The following CLUAP1 variants were observed in gnomAD, a reference collection of about 807,000 sequenced individuals.
The protein encoded by CLUAP1 is intraflagellar transport 38, also known as clusterin-associated protein 1.
Under a neutral mutation model 55.0 loss-of-function variants are expected in CLUAP1, and 50 were observed. The ratio of observed to expected loss-of-function variants is 0.91; its 90% CI spans 0.72 to 1.15. The LOEUF (loss-of-function observed/expected upper bound fraction) is 1.15. Among genes scored for constraint, CLUAP1 ranks in the 50% most tolerant of loss-of-function variants. The pLI is 0.00. For missense variants in CLUAP1, 530 were observed against 507.6 expected (o/e 1.04, Z -0.42); for synonymous variants, 195 against 175.4 (o/e 1.11, Z -0.88).
chr16:3,522,842 A>G (rs944670931), intron 7 of CLUAP1, among the ~76,000 whole-genome samples: 21 of 152,122 alleles, frequency 1.4e-4, no homozygotes, highest in African/African-American at 5.1e-4. Flanking sequence ...AAAAGTCTGG[A>G]AGGATGTATG....
intron 10 of CLUAP1, among the ~76,000 whole-genome samples, chr16:3,531,096 C>T (rs1398167414): frequency 4.6e-5 from 7 of 152,206 alleles, no homozygotes; most frequent in Non-Finnish European, 1.5e-5. Flanking sequence ...TGGTGCACAC[C>T]TTATTCCCAG....
At chr16:3,502,859 G>A (rs2037433535) in intron 1 of CLUAP1, among the ~76,000 whole-genome samples, 1 of 152,204 alleles carries the variant, frequency 6.6e-6, no homozygotes. Flanking sequence ...TGTATGGTAA[G>A]GATCTTACTC....
At chr16:3,503,522 C>G (rs992534050) in intron 1 of CLUAP1, among the ~76,000 whole-genome samples, 7 of 152,126 alleles carry the variant, frequency 4.6e-5, no homozygotes, top group African/African-American at 7.2e-5. Flanking sequence ...GTCTTGAACT[C>G]CTGACCTCAG....
intron 11 of CLUAP1, chr16:3,535,185 C>G (rs898110693): frequency 3.3e-5 from 5 of 152,522 alleles, no homozygotes; most frequent in African/African-American, 9.7e-5. Flanking sequence ...GCCTGAGAAT[C>G]GATCCCAGTC....
chr16:3,499,767 T>C (rs2037353217), upstream of CLUAP1, among the ~76,000 whole-genome samples: 1 of 152,226 alleles, frequency 6.6e-6, no homozygotes, highest in African/African-American at 2.4e-5. Flanking sequence ...GCAACATTTA[T>C]GGGAGGCCAT....
intron 1 of CLUAP1, among the ~76,000 whole-genome samples, chr16:3,502,395 G>C (rs139383188): frequency 0.015 from 2,277 of 149,286 alleles, 33 homozygotes; most frequent in East Asian, 0.041. Context: ...AGTGAGCCAA[G>C]ATGGCACCAC....
intron 6 of CLUAP1, among the ~76,000 whole-genome samples, chr16:3,516,825 G>GA (rs1009334852): frequency 1.3e-5 from 2 of 152,148 alleles, no homozygotes; most frequent in African/African-American, 4.8e-5. Flanking sequence ...ACTCTTAGGG[G>GA]AAAATGGCTA....
At chr16:3,529,893 A>G (rs2038079901) in intron 9 of CLUAP1, among the ~76,000 whole-genome samples, 1 of 101,674 alleles carries the variant, frequency 9.8e-6, no homozygotes, top group Non-Finnish European at 1.8e-5. Flanking sequence ...TTATATTTAT[A>G]ATTATATATG....
intron 2 of CLUAP1, among the ~76,000 whole-genome samples, chr16:3,505,709 A>G (rs776450445): frequency 4.3e-4 from 66 of 152,210 alleles, no homozygotes; most frequent in Non-Finnish European, 7.5e-4. Context: ...CTTTTTGCAC[A>G]TTCTGATCAG....
Position 3,536,193 on chromosome 16 carries a change from C to T in CLUAP1, c.1164C>T (p.Ser388=). Residue 388 remains serine (S), a synonymous_variant, in exon 12 of 12, where the codon AGC becomes AGT. Coordinates refer to ENST00000576634, the MANE Select transcript of CLUAP1 (RefSeq NM_015041.3). ...AGGATGACGATTTGGAAGACGAGAG[C>T]ATTTCTCTCTCACCAACCAAGCCCA... ...DDEDDDLEDE[S]ISLSPTKPNR... is the part of the protein sequence containing the mutation. The T allele has an allele frequency of 1.2e-6, 2 of 1,614,064 alleles. No homozygotes were observed. Among genetic ancestry groups the T allele is most frequent in the Non-Finnish European group, 1.7e-6 (2 of 1,179,972 alleles).
At chr16:3,525,691 A>G (rs1596399664) in intron 8 of CLUAP1, among the ~76,000 whole-genome samples, 3 of 152,082 alleles carry the variant, frequency 2.0e-5, no homozygotes, top group Non-Finnish European at 4.4e-5. Flanking sequence ...CAGCTTCTTG[A>G]GTAGCTGGGA....
intron 7 of CLUAP1, among the ~76,000 whole-genome samples, chr16:3,521,122 C>T (rs2037824042): frequency 6.6e-6 from 1 of 152,030 alleles, no homozygotes; most frequent in South Asian, 2.1e-4. Context: ...AGGCCAAGGC[C>T]CTTCCCCTCC....
intron 8 of CLUAP1, among the ~76,000 whole-genome samples, chr16:3,523,637 T>C (rs2037882677): frequency 6.6e-6 from 1 of 152,240 alleles, no homozygotes; most frequent in Non-Finnish European, 1.5e-5. Context: ...AAATTCATAA[T>C]AATTTTTAAG....
intron 11 of CLUAP1, chr16:3,533,293 C>T (rs1157538241): frequency 5.7e-6 from 4 of 696,702 alleles, no homozygotes; most frequent in East Asian, 5.5e-5. Context: ...GTGGTGACAG[C>T]GGGATCACTG....
chr16:3,500,757 C>G (rs1202070921), upstream of CLUAP1, among the ~76,000 whole-genome samples: 1 of 152,234 alleles, frequency 6.6e-6, no homozygotes, highest in African/African-American at 2.4e-5. Context: ...AGTAGGTACT[C>G]AGAACCTGTC....
intron 9 of CLUAP1, 89 bp from the exon 10 acceptor site, chr16:3,530,479 G>C: frequency 1.2e-6 from 1 of 849,416 alleles, no homozygotes; most frequent in Non-Finnish European, 2.0e-6. Flanking sequence ...ATGAACAAAT[G>C]ACTTTTGCAC....
At chr16:3,503,175 T>G (rs996038365) in intron 1 of CLUAP1, among the ~76,000 whole-genome samples, 1 of 152,032 alleles carries the variant, frequency 6.6e-6, no homozygotes, top group Admixed American at 6.6e-5. Flanking sequence ...TATTCTTTTC[T>G]TTTTTTGAGA....
At chr16:3,506,757 C>T (rs947830847) in intron 3 of CLUAP1, among the ~76,000 whole-genome samples, 5 of 152,126 alleles carry the variant, frequency 3.3e-5, no homozygotes, top group African/African-American at 1.2e-4. Context: ...CCCTCCTTGG[C>T]CTCCCAAAGT....
At chr16:3,508,217 C>T (rs2151044717) in intron 3 of CLUAP1, 72 bp from the exon 4 acceptor site, 7 of 1,387,250 alleles carry the variant, frequency 5.0e-6, no homozygotes, top group Middle Eastern at 2.3e-4. Flanking sequence ...TTTCAACTCA[C>T]CTACATGGGA....
Sources: gnomAD v4.1 joint callset for allele counts (sites outside exome capture counted in the v4.1 genomes callset) on GRCh38, gnomAD v4.1.1 for gene constraint, MANE v1.5 for transcripts, NCBI Gene and HGNC (gene_info 2026-07-23, HGNC 2026-07-21) for gene names.